The following SEMA5A variants were observed in gnomAD, a reference collection of about 807,000 sequenced individuals.
SEMA5A encodes semaphorin 5A.
In SEMA5A, 55 loss-of-function variants were observed where a neutral mutation model predicts 135.5. The ratio of observed to expected loss-of-function variants is 0.41; its 90% confidence interval spans 0.33 to 0.51. The LOEUF (loss-of-function observed/expected upper bound fraction) is 0.51, where lower values mean the gene tolerates loss of function less well. Ranked by LOEUF, SEMA5A falls within the 20% of genes least tolerant of loss-of-function variation. The pLI is 0.37. For missense variants in SEMA5A, 1,290 were observed against 1,419.9 expected, an observed-to-expected ratio of 0.91 and a Z score of 1.47; for synonymous variants, 580 against 546.5, an observed-to-expected ratio of 1.06 and a Z score of -0.85.
chr5:9,466,101 G>T (rs1470498110), intron 1 of SEMA5A, among the ~76,000 whole-genome samples: 1 of 152,122 alleles, frequency 6.6e-6, no homozygotes, highest in Non-Finnish European at 1.5e-5. Context: ...AGAGTTGGGG[G>T]TGCAAGTATC....
intron 11 of SEMA5A, among the ~76,000 whole-genome samples, chr5:9,189,562 G>A (rs1203881338): frequency 6.6e-6 from 1 of 152,158 alleles, no homozygotes; most frequent in African/African-American, 2.4e-5. Flanking sequence ...ATGGGGAGGG[G>A]CAGACTCCAC....
At chr5:9,240,677 G>A (rs768470054) in intron 5 of SEMA5A, among the ~76,000 whole-genome samples, 2 of 151,818 alleles carry the variant, frequency 1.3e-5, no homozygotes, top group East Asian at 1.9e-4. Context: ...GTTTAACCTG[G>A]TCACAACTTC....
rs1424874477 is a variant in SEMA5A, at chr5:9,108,131, G to C, written c.2073+9C>G. On this transcript the variant is annotated intron_variant, in intron 16 of 22. Coordinates refer to ENST00000382496, the MANE Select transcript of SEMA5A (RefSeq NM_003966.3). ...ATTGTGGGCTGGGTGTGAGAAGAAG[G>C]CTACTCACCACATTGCAGCCTGCAC... is the stretch of plus-strand genomic sequence containing the variant. 2 of 1,612,694 alleles carry C rather than the reference G, an allele frequency of 1.2e-6. No individual in the cohort carries two copies. Among genetic ancestry groups the C allele is most frequent in the African/African-American group, 2.7e-5 (2 of 74,836 alleles).
At chr5:9,171,747 C>T (rs976621372) in intron 11 of SEMA5A, among the ~76,000 whole-genome samples, 1 of 152,120 alleles carries the variant, frequency 6.6e-6, no homozygotes. Context: ...TATATGTCCT[C>T]CAGCTAAACA....
At chr5:9,427,603 C>A (rs1184125242) in intron 2 of SEMA5A, among the ~76,000 whole-genome samples, 1 of 152,204 alleles carries the variant, frequency 6.6e-6, no homozygotes, top group Non-Finnish European at 1.5e-5. Context: ...TACATCACAA[C>A]TGCTGCTCAC....
chr5:9,070,308 T>C (rs1470708986), intron 16 of SEMA5A, among the ~76,000 whole-genome samples: 2 of 151,996 alleles, frequency 1.3e-5, no homozygotes, highest in Non-Finnish European at 2.9e-5. Context: ...GAGGCGGAGG[T>C]TGCAGTGAGC....
intron 12 of SEMA5A, among the ~76,000 whole-genome samples, chr5:9,145,125 T>C (rs1323797747): frequency 1.3e-5 from 2 of 152,112 alleles, no homozygotes; most frequent in South Asian, 2.1e-4. Context: ...TTCAACATAG[T>C]GTGCAGAAAG....
chr5:9,338,597 A>C (rs1460554795), intron 3 of SEMA5A, among the ~76,000 whole-genome samples: 1 of 152,214 alleles, frequency 6.6e-6, no homozygotes, highest in Non-Finnish European at 1.5e-5. Context: ...TGAGTTGCCC[A>C]CCAAACGTGG....
chr5:9,437,131 A>T (rs1428479512), intron 2 of SEMA5A, among the ~76,000 whole-genome samples: 4 of 152,166 alleles, frequency 2.6e-5, no homozygotes, highest in Non-Finnish European at 5.9e-5. Context: ...CACTGCAAAT[A>T]AGTGGGGGCA....
intron 3 of SEMA5A, among the ~76,000 whole-genome samples, chr5:9,338,813 T>C (rs1753511389): frequency 6.6e-6 from 1 of 152,148 alleles, no homozygotes; most frequent in African/African-American, 2.4e-5. Context: ...CAGTGTTATG[T>C]TTTTAATGGG....
chr5:9,367,060 A>G (rs1754947425), intron 3 of SEMA5A, among the ~76,000 whole-genome samples: 1 of 152,212 alleles, frequency 6.6e-6, no homozygotes, highest in African/African-American at 2.4e-5. Context: ...AACAGCCTAC[A>G]TCGATCTTCG....
At chr5:9,350,528 A>C (rs1046234746) in intron 3 of SEMA5A, among the ~76,000 whole-genome samples, 2 of 152,200 alleles carry the variant, frequency 1.3e-5, no homozygotes, top group Admixed American at 1.3e-4. Flanking sequence ...TGCAGTTTAC[A>C]GTGGGGACCT....
intron 11 of SEMA5A, among the ~76,000 whole-genome samples, chr5:9,175,501 G>A (rs1744155494): frequency 6.6e-6 from 1 of 152,114 alleles, no homozygotes; most frequent in South Asian, 2.1e-4. Context: ...GTAGGGGTTT[G>A]GTTTGTTCAC....
intron 4 of SEMA5A, among the ~76,000 whole-genome samples, chr5:9,333,031 A>G (rs147327687): frequency 3.5e-4 from 53 of 152,312 alleles, no homozygotes; most frequent in African/African-American, 1.1e-3. Flanking sequence ...TTATGTTTAT[A>G]TTACACTCAA....
intron 16 of SEMA5A, among the ~76,000 whole-genome samples, chr5:9,105,104 G>T (rs1437861066): frequency 1.3e-5 from 2 of 152,214 alleles, no homozygotes; most frequent in African/African-American, 2.4e-5. Flanking sequence ...ACAAGATCCA[G>T]GTCCTCCCTC....
chr5:9,353,160 AGGAGGGAAAGGAAGGGAAAGGAAGGGAAG>A (rs1561177160), intron 3 of SEMA5A, among the ~76,000 whole-genome samples: 149 of 37,810 alleles, frequency 3.9e-3, no homozygotes, highest in African/African-American at 8.2e-3. Context: ...AGGAAAGGAA[AGGAGGGAAAGGAAGGGAAAGGAAGGGAAG>A]GGAAAGGAAA....
intron 5 of SEMA5A, among the ~76,000 whole-genome samples, chr5:9,251,612 A>T (rs969522131): frequency 4.6e-5 from 7 of 152,216 alleles, no homozygotes; most frequent in African/African-American, 1.7e-4. Context: ...ATGTAAATGT[A>T]TACGGCAGAA....
At chr5:9,347,477 C>T (rs1447553000) in intron 3 of SEMA5A, among the ~76,000 whole-genome samples, 1 of 152,170 alleles carries the variant, frequency 6.6e-6, no homozygotes, top group Non-Finnish European at 1.5e-5. Flanking sequence ...CTCCTTTTTA[C>T]TCGATGAGTT....
In SEMA5A at chr5:9,396,444, C is replaced by A. The variant is rs1050103515; in HGVS notation, c.-77-16421G>T. Among the ~76,000 whole-genome samples the A allele has an allele frequency of 2.0e-5, 3 of 152,048 alleles. No individual in the cohort carries two copies. The East Asian group carries it at 5.8e-4, about 29-fold the overall frequency. On this transcript the variant is annotated intron_variant, in intron 2 of 22. Coordinates refer to ENST00000382496, the MANE Select transcript of SEMA5A (RefSeq NM_003966.3). ...GGAGCCTTGTTTCTAGAGAGACTGG[C>A]CCTCCTAGGGCTAGCATATTCGTAA...
Sources: allele counts gnomAD v4.1 joint callset (sites outside exome capture counted in the v4.1 genomes callset), GRCh38; gene constraint gnomAD v4.1.1; transcripts MANE v1.5; gene names NCBI Gene and HGNC (gene_info 2026-07-23, HGNC 2026-07-21).